PFKFB3: variants seen among roughly 807,000 people sequenced by gnomAD.
PFKFB3 encodes 6-phosphofructo-2-kinase/fructose-2,6-bisphosphatase 3.
A neutral mutation model predicts 68.0 loss-of-function variants in PFKFB3; 33 were observed. The observed-to-expected ratio is 0.49, with a 90% CI of 0.37 to 0.65. The LOEUF (loss-of-function observed/expected upper bound fraction) is 0.65, where lower values mean the gene tolerates loss of function less well. PFKFB3 is among the 30% of genes least tolerant of loss of function. The pLI is 0.00. For missense variants in PFKFB3, 586 were observed against 712.2 expected (o/e 0.82, Z 2.02); for synonymous variants, 315 against 288.2 (o/e 1.09, Z -0.94).
chr10:6,319,490 C>T, the PFKFB3 span, among the ~76,000 whole-genome samples: 1 of 152,086 alleles, frequency 6.6e-6, no homozygotes, highest in South Asian at 2.1e-4. Flanking sequence ...AAATAATAGA[C>T]ATTGGAGACT....
At chr10:6,319,031 A>G in the PFKFB3 span, among the ~76,000 whole-genome samples, 52 of 152,288 alleles carry the variant, frequency 3.4e-4, no homozygotes, top group African/African-American at 1.3e-3. Flanking sequence ...CCCTTGATCA[A>G]TATTCTCGGG....
At position 6,220,506 on chromosome 10, in the gene PFKFB3, C is replaced by T. The variant is rs1844877534; in HGVS notation, c.624-152C>T. 1.5e-6 allele frequency: 1 copy of T among 670,168 alleles called. No homozygotes were observed. Among genetic ancestry groups the T allele is most frequent in the Non-Finnish European group, 2.6e-6 (1 of 383,624 alleles). The allele number at this position is 670,168 out of a possible 1,614,324, so 41.5% of individuals were successfully genotyped here. ...CTGTGGGAGTTGTCTTACGCATATG[C>T]TCTGCCCCTTAGAAGGATTCAGTCT... On this transcript the variant is annotated intron_variant, in intron 7 of 14. Coordinates refer to ENST00000379775, the MANE Select transcript of PFKFB3 (RefSeq NM_004566.4). The surrounding 1 kb of genome is among the most constrained non-coding windows in gnomAD (Gnocchi z 4.1).
In PFKFB3 at chr10:6,208,443, A is replaced by G. The variant is rs1310412719; in HGVS notation, c.76+5107A>G. On this transcript the variant is annotated intron_variant, in intron 1 of 14. Coordinates refer to ENST00000379775, the MANE Select transcript of PFKFB3 (RefSeq NM_004566.4). The stretch of plus-strand genomic sequence containing the variant: ...ACAAACTGCCAGCTTGTCTTTGCTC[A>G]GGATTTAGACACCATGGGAAATTGA... Among the ~76,000 whole-genome samples the G allele has an allele frequency of 2.3e-5, 3 of 132,312 alleles. No individual in the cohort carries two copies. The East Asian group carries it at 8.1e-4, about 36-fold the overall frequency. The allele number at this position is 132,312 out of a possible 152,430, so 86.8% of individuals were successfully genotyped here. A position where few individuals can be genotyped will look rare whatever the true frequency, so the allele number is the denominator to read the frequency against.
At chr10:6,207,221 C>A (rs560140709) in intron 1 of PFKFB3, among the ~76,000 whole-genome samples, 2 of 151,892 alleles carry the variant, frequency 1.3e-5, no homozygotes, top group Admixed American at 6.6e-5. Flanking sequence ...GGATCACTCG[C>A]GGTTAGGAGC....
chr10:6,190,236 G>A (rs904887819), intron 1 of PFKFB3, among the ~76,000 whole-genome samples: 7 of 152,180 alleles, frequency 4.6e-5, no homozygotes, highest in Non-Finnish European at 7.3e-5. Flanking sequence ...GAGCCACCAC[G>A]CCCAGCTGCA....
chr10:6,302,373 T>G, the PFKFB3 span, among the ~76,000 whole-genome samples: 45,873 of 82,926 alleles, frequency 0.55, 13,089 homozygotes, highest in Non-Finnish European at 0.68. Flanking sequence ...TTTTTTTTTT[T>G]TTTTTTTTTT....
At chr10:6,188,650 C>A (rs1255153785) in intron 1 of PFKFB3, among the ~76,000 whole-genome samples, 1 of 151,486 alleles carries the variant, frequency 6.6e-6, no homozygotes, top group African/African-American at 2.4e-5. Flanking sequence ...TCCTAATTTC[C>A]CCCACCGCCT....
upstream of PFKFB3, chr10:6,202,814 C>A (rs1372707117): frequency 4.3e-6 from 4 of 921,768 alleles, no homozygotes; most frequent in East Asian, 1.2e-4. Context: ...GGCTCGCCCA[C>A]CCTCCTCCCC....
At chr10:6,317,182 G>T in the PFKFB3 span, among the ~76,000 whole-genome samples, 1 of 152,138 alleles carries the variant, frequency 6.6e-6, no homozygotes, top group African/African-American at 2.4e-5. Context: ...CATGGGGGAC[G>T]TGCTCTTGAT....
In PFKFB3 at chr10:6,191,639, C is replaced by T. The variant is rs75878929; in HGVS notation, c.17-21984C>T. On this transcript the variant is annotated intron_variant, in intron 1 of 14. Coordinates refer to the PFKFB3 transcript ENST00000379789. Reference sequence around the variant, plus strand: ...TAGTCAGAAGCCAGCGAGTTTGAGTCGCAGCTGTTGGGGAAGTCCCTCTGG... The same window carrying T: ...TAGTCAGAAGCCAGCGAGTTTGAGTTGCAGCTGTTGGGGAAGTCCCTCTGG... 6.5e-3 allele frequency among the ~76,000 whole-genome samples: 985 copies of T among 152,302 alleles called. 7 individuals carry two copies. Among genetic ancestry groups the T allele is most frequent in the Admixed American group, 0.014 (214 of 15,308 alleles).
the PFKFB3 span, among the ~76,000 whole-genome samples, chr10:6,260,183 G>A: frequency 6.6e-6 from 1 of 152,116 alleles, no homozygotes; most frequent in African/African-American, 2.4e-5. Flanking sequence ...GGAGGCTGAG[G>A]CAGGTGGATC....
At chr10:6,258,576 A>G (rs1482517033), downstream of PFKFB3, among the ~76,000 whole-genome samples, 1 of 152,218 alleles carries the variant, frequency 6.6e-6, no homozygotes, top group Non-Finnish European at 1.5e-5. Flanking sequence ...TTGTGGCCTC[A>G]GTGGTCCTCA....
the PFKFB3 span, among the ~76,000 whole-genome samples, chr10:6,321,100 T>C: frequency 6.6e-6 from 1 of 152,160 alleles, no homozygotes; most frequent in East Asian, 1.9e-4. Context: ...AGTTGACCTT[T>C]ATCCATCTTC....
chr10:6,197,318 AT>A (rs1843204601), intron 1 of PFKFB3, among the ~76,000 whole-genome samples: 1 of 152,132 alleles, frequency 6.6e-6, no homozygotes, highest in Non-Finnish European at 1.5e-5. Flanking sequence ...AATACCTACC[AT>A]TGTGTTACAG....
At chr10:6,250,260 G>A (rs1398019679) in intron 14 of PFKFB3, among the ~76,000 whole-genome samples, 1 of 152,114 alleles carries the variant, frequency 6.6e-6, no homozygotes, top group Non-Finnish European at 1.5e-5. Flanking sequence ...TGTTGCCAAT[G>A]TGACAGTATT....
the PFKFB3 span, among the ~76,000 whole-genome samples, chr10:6,318,068 A>C: frequency 2.0e-5 from 3 of 152,202 alleles, no homozygotes; most frequent in Non-Finnish European, 4.4e-5. Flanking sequence ...CCTTTTCATG[A>C]CACCATGCCC....
At chr10:6,284,429 A>G in the PFKFB3 span, among the ~76,000 whole-genome samples, 4 of 152,208 alleles carry the variant, frequency 2.6e-5, no homozygotes, top group African/African-American at 7.2e-5. Flanking sequence ...ATCATTTGTA[A>G]TGCCCCTCTT....
chr10:6,316,244 A>C, the PFKFB3 span, among the ~76,000 whole-genome samples: 3 of 149,370 alleles, frequency 2.0e-5, no homozygotes, highest in African/African-American at 7.4e-5. Context: ...AACCTCTAGG[A>C]GCTCCTTCCC....
chr10:6,273,749 A>C, the PFKFB3 span, among the ~76,000 whole-genome samples: 7,086 of 152,184 alleles, frequency 0.047, 241 homozygotes, highest in Admixed American at 0.088. Context: ...GGAAATTTGG[A>C]GACAGGCACA....
Sources: gnomAD v4.1 joint callset for allele counts (sites outside exome capture counted in the v4.1 genomes callset) on GRCh38, gnomAD v4.1.1 for gene constraint, Gnocchi (gnomAD v3.1) non-coding constraint, MANE v1.5 for transcripts, NCBI Gene and HGNC (gene_info 2026-07-23, HGNC 2026-07-21) for gene names.